Variants in AXDND1 observed in about 807,000 individuals in gnomAD.
AXDND1 encodes axonemal dynein light chain domain containing 1.
In AXDND1, 110 loss-of-function variants were observed where a neutral mutation model predicts 137.5. The ratio of observed to expected loss-of-function variants is 0.80; its 90% confidence interval spans 0.69 to 0.94. The LOEUF is 0.94. Among genes scored for constraint, AXDND1 ranks in the 40% least tolerant of loss-of-function variants. AXDND1 has a pLI of 0.00. For missense variants in AXDND1, 1,191 were observed against 1,169.8 expected (o/e 1.02, Z -0.26); for synonymous variants, 414 against 399.7 (o/e 1.04, Z -0.43).
At chr1:179,397,426 T>C (rs890451723) in intron 11 of AXDND1, among the ~76,000 whole-genome samples, 1 of 152,210 alleles carries the variant, frequency 6.6e-6, no homozygotes, top group Non-Finnish European at 1.5e-5. Flanking sequence ...CTTTTTTCTT[T>C]TATTTTGACT....
At chr1:179,411,621 C>A (rs576278802) in intron 12 of AXDND1, among the ~76,000 whole-genome samples, 22 of 150,514 alleles carry the variant, frequency 1.5e-4, no homozygotes, top group Non-Finnish European at 2.5e-4. Flanking sequence ...TGAATTTCTT[C>A]TTTTTATTCT....
chr1:179,464,480 A>T (rs1307074793), intron 16 of AXDND1, among the ~76,000 whole-genome samples: 1 of 151,922 alleles, frequency 6.6e-6, no homozygotes, highest in African/African-American at 2.4e-5. Context: ...CTGCCAAGAG[A>T]TCCGCTTTTA....
chr1:179,505,033 T>G (rs1668395377), intron 20 of AXDND1, among the ~76,000 whole-genome samples: 1 of 152,154 alleles, frequency 6.6e-6, no homozygotes, highest in African/African-American at 2.4e-5. Flanking sequence ...TCATGAAGGT[T>G]ATTTTTATTT....
In AXDND1 at chr1:179,378,651, T is replaced by C; in HGVS notation, c.389T>C (p.Leu130Pro). The C allele has an allele frequency of 6.3e-7, 1 of 1,584,810 alleles. No homozygotes were observed. The highest frequency in any genetic ancestry group is 8.6e-7 in the Non-Finnish European group (1 of 1,164,084). ...LTGAGRDISF[L>P]YDVTYAKGQT... ...TTACTTTTTAGGGATATTTCTTTTC[T>C]GTACGATGTAACATATGCCAAAGGA... Residue 130 changes from leucine to proline, a missense_variant, in exon 5 of 26, where the codon CTG becomes CCG. Transcript: ENST00000367618.
intron 11 of AXDND1, among the ~76,000 whole-genome samples, chr1:179,406,591 T>C (rs1176140877): frequency 1.3e-5 from 2 of 152,192 alleles, no homozygotes; most frequent in Non-Finnish European, 2.9e-5. Flanking sequence ...AATTGATCCC[T>C]TTATCTTCAT....
intron 9 of AXDND1, 80 bp downstream of exon 9, chr1:179,385,439 C>A: frequency 6.7e-7 from 1 of 1,502,110 alleles, no homozygotes; most frequent in Non-Finnish European, 9.2e-7. Flanking sequence ...TTTGAGAATG[C>A]CACAAAAGTG....
At chr1:179,479,865 CA>C (rs1334373725) in intron 17 of AXDND1, among the ~76,000 whole-genome samples, 1 of 152,228 alleles carries the variant, frequency 6.6e-6, no homozygotes, top group Non-Finnish European at 1.5e-5. Flanking sequence ...ATCTCTAAGA[CA>C]GGGGCAAAAT....
In AXDND1 at chr1:179,368,847, C is replaced by G; in HGVS notation, c.145C>G (p.Leu49Val). Residue 49 changes from leucine (L) to valine (V), a missense_variant, in exon 3 of 26, where the codon CTC becomes GTC. Coordinates refer to ENST00000367618, the MANE Select transcript of AXDND1 (RefSeq NM_144696.6). ...AAAAAATATGGTGGATCGTTCAAAA[C>G]TCCTTCCTACTTCCCTTCAGAATGA... Reference protein sequence around the residue: ...EKKNMVDRSKLLPTSLQNEFI... With the variant: ...EKKNMVDRSKVLPTSLQNEFI... 2.5e-6 allele frequency: 4 copies of G among 1,613,878 alleles called. No individual in the cohort carries two copies. Among genetic ancestry groups the G allele is most frequent in the Non-Finnish European group, 3.4e-6 (4 of 1,179,800 alleles).
chr1:179,374,150 A>G (rs181796681), intron 4 of AXDND1, among the ~76,000 whole-genome samples: 47 of 152,328 alleles, frequency 3.1e-4, no homozygotes, highest in African/African-American at 1.1e-3. Context: ...CAACCCCTTC[A>G]AAAAGTGGGC....
chr1:179,457,286 G>A (rs1476638562), intron 16 of AXDND1: 1 of 660,184 alleles, frequency 1.5e-6, no homozygotes, highest in African/African-American at 1.8e-5. Context: ...GTCCAAGGAA[G>A]AGCTTCCTCA....
chr1:179,485,388 A>C (rs1029146198), intron 18 of AXDND1, among the ~76,000 whole-genome samples: 3 of 152,160 alleles, frequency 2.0e-5, no homozygotes, highest in African/African-American at 7.2e-5. Flanking sequence ...CTGATACCAG[A>C]CCCTAGAGTT....
chr1:179,370,695 C>A (rs1048262269), intron 4 of AXDND1, among the ~76,000 whole-genome samples: 1 of 152,220 alleles, frequency 6.6e-6, no homozygotes, highest in Admixed American at 6.5e-5. Context: ...GTCCACTTAT[C>A]AATTTACTCC....
At chr1:179,368,690 C>G in intron 2 of AXDND1, 110 bp from the exon 3 acceptor site, 1 of 823,864 alleles carries the variant, frequency 1.2e-6, no homozygotes, top group Non-Finnish European at 1.9e-6. Context: ...CAAATAGAAG[C>G]AATGTTTCTC....
chr1:179,508,408 C>A lies in AXDND1; in HGVS notation c.2389-888C>A, dbSNP rs79842248. Among the ~76,000 whole-genome samples, 784 of 152,056 alleles carry A rather than the reference C, an allele frequency of 5.2e-3. 5 individuals carry two copies. The highest frequency in any genetic ancestry group is 0.018 in the African/African-American group (734 of 41,476). On this transcript the variant is annotated intron_variant, in intron 20 of 25. Transcript: ENST00000367618. Reference sequence around the variant, plus strand: ...TGCTCATTGTGGTTGATTTCAGGAGCCTACAGTGGGTCATTTCACCACATG... The same window carrying A: ...TGCTCATTGTGGTTGATTTCAGGAGACTACAGTGGGTCATTTCACCACATG...
At chr1:179,382,552 G>C (rs1238084611) in intron 6 of AXDND1, 148 bp from the exon 7 acceptor site, 1 of 523,242 alleles carries the variant, frequency 1.9e-6, no homozygotes, top group Non-Finnish European at 3.5e-6. Context: ...CCCTGGAATG[G>C]GTGGTGAGTC....
intron 16 of AXDND1, chr1:179,447,612 G>T: frequency 1.7e-6 from 2 of 1,203,348 alleles, no homozygotes; most frequent in Middle Eastern, 2.9e-4. Context: ...GAGGTGTCAT[G>T]CCCTTGCTTG....
chr1:179,399,565 G>T (rs1300016187), intron 11 of AXDND1, among the ~76,000 whole-genome samples: 3 of 152,232 alleles, frequency 2.0e-5, no homozygotes, highest in Non-Finnish European at 2.9e-5. Flanking sequence ...TAAAAACAAA[G>T]ATATATATCT....
chr1:179,407,882 A>T (rs957676130), intron 11 of AXDND1, among the ~76,000 whole-genome samples: 1 of 152,206 alleles, frequency 6.6e-6, no homozygotes, highest in Admixed American at 6.5e-5. Flanking sequence ...ACTCCCCAGA[A>T]TAAAAAAAAT....
At chr1:179,538,911 T>A (rs540400891) in intron 25 of AXDND1, among the ~76,000 whole-genome samples, 3 of 151,610 alleles carry the variant, frequency 2.0e-5, no homozygotes, top group Admixed American at 2.0e-4. Flanking sequence ...GAGAGTTAGC[T>A]CTTGTTGTTG....
Sources: gnomAD v4.1 joint callset for allele counts (sites outside exome capture counted in the v4.1 genomes callset) on GRCh38, gnomAD v4.1.1 for gene constraint, MANE v1.5 for transcripts, NCBI Gene and HGNC (gene_info 2026-07-23, HGNC 2026-07-21) for gene names.